Variants in BANK1 observed in about 807,000 individuals in gnomAD.
BANK1 encodes the protein B cell scaffold protein with ankyrin repeats 1.
In BANK1, 95 loss-of-function variants were observed where a neutral mutation model predicts 94.5. That is an observed-to-expected ratio of 1.00 (90% CI 0.85 to 1.19). The LOEUF (loss-of-function observed/expected upper bound fraction) is 1.19, where lower values mean the gene tolerates loss of function less well. Among genes scored for constraint, BANK1 ranks in the 50% most tolerant of loss-of-function variants. The pLI, the probability that BANK1 is intolerant of heterozygous loss-of-function variation, is 0.00. For missense variants in BANK1, 987 were observed against 932.2 expected, an observed-to-expected ratio of 1.06 and a Z score of -0.77; for synonymous variants, 334 against 308.4, an observed-to-expected ratio of 1.08 and a Z score of -0.87.
At chr4:101,839,960 T>A (rs1187236435) in intron 2 of BANK1, among the ~76,000 whole-genome samples, 1,089 of 62,346 alleles carry the variant, frequency 0.017, 42 homozygotes, top group African/African-American at 0.08. Context: ...TTTTTTTTTT[T>A]TTTTTTTTTT....
chr4:101,944,039 T>TGA (rs796144955), intron 7 of BANK1, among the ~76,000 whole-genome samples: 163 of 126,776 alleles, frequency 1.3e-3, no homozygotes, highest in African/African-American at 2.9e-3. Context: ...TGTGTGTGTG[T>TGA]GAGAGAGAGA....
At chr4:101,903,980 A>T (rs1722363621) in intron 6 of BANK1, among the ~76,000 whole-genome samples, 1 of 152,230 alleles carries the variant, frequency 6.6e-6, no homozygotes, top group African/African-American at 2.4e-5. Flanking sequence ...CATATAGTGA[A>T]TAATGTAACA....
chr4:101,958,048 G>A (rs984803283), intron 7 of BANK1, among the ~76,000 whole-genome samples: 29 of 130,740 alleles, frequency 2.2e-4, no homozygotes, highest in Non-Finnish European at 3.8e-4. Context: ...GGGCTTCACC[G>A]TGTTAGCCAG....
intron 4 of BANK1, among the ~76,000 whole-genome samples, chr4:101,864,132 G>A (rs532854252): frequency 1.9e-4 from 29 of 152,078 alleles, no homozygotes; most frequent in Non-Finnish European, 3.1e-4. Context: ...ATAAACCACT[G>A]TTTACCAACT....
At chr4:102,012,102 A>G (rs1046950784) in intron 7 of BANK1, among the ~76,000 whole-genome samples, 2 of 152,190 alleles carry the variant, frequency 1.3e-5, no homozygotes, top group Non-Finnish European at 2.9e-5. Context: ...GCATTCTTAC[A>G]AGTTAAATTT....
intron 7 of BANK1, among the ~76,000 whole-genome samples, chr4:102,010,141 T>C (rs1241841817): frequency 2.0e-5 from 3 of 151,628 alleles, no homozygotes; most frequent in African/African-American, 4.8e-5. Flanking sequence ...GGCGGGCGCC[T>C]GTAGTCCCAG....
Position 101,986,893 on chromosome 4 carries a change from G to A in BANK1, c.1207-34621G>A, listed in dbSNP as rs1217142415. ...TGTGTATGTGTGTGTGTGTGTGTGTGTGTGTGTATATATATATATATATAT... is the reference window on the plus strand; with the variant it reads ...TGTGTATGTGTGTGTGTGTGTGTGTATGTGTGTATATATATATATATATAT... On this transcript the variant is annotated intron_variant, in intron 7 of 16. Transcript: ENST00000322953. Among the ~76,000 whole-genome samples, 555 of 90,756 alleles carry A rather than the reference G, an allele frequency of 6.1e-3. 17 individuals are homozygous for A. The highest frequency in any genetic ancestry group is 0.035 in the East Asian group (115 of 3,262). 59.5% of individuals were successfully genotyped at this position (90,756 alleles called of 152,430 possible).
chr4:102,012,375 G>T (rs1426567537), intron 7 of BANK1, among the ~76,000 whole-genome samples: 7 of 111,158 alleles, frequency 6.3e-5, no homozygotes, highest in Non-Finnish European at 9.1e-5. Context: ...GGTCTTTTAT[G>T]TTGTAAACAC....
intron 7 of BANK1, among the ~76,000 whole-genome samples, chr4:102,013,327 C>G (rs146449426): frequency 6.6e-6 from 1 of 152,108 alleles, no homozygotes; most frequent in Admixed American, 6.6e-5. Flanking sequence ...TGAGTCAGCA[C>G]TGGTCCTCTC....
At chr4:101,830,250 T>G (rs1013265158) in intron 2 of BANK1, 44 bp downstream of exon 2, 12 of 1,426,800 alleles carry the variant, frequency 8.4e-6, no homozygotes, top group Non-Finnish European at 9.2e-6. Flanking sequence ...ATTTGTTTTT[T>G]TTTTTTTGTA....
chr4:101,840,425 A>T (rs939630623), intron 2 of BANK1, among the ~76,000 whole-genome samples: 2 of 152,210 alleles, frequency 1.3e-5, no homozygotes, highest in African/African-American at 4.8e-5. Flanking sequence ...ACTGGCCATA[A>T]ACAAAATCTC....
chr4:101,811,673 A>G (rs1725734945), intron 1 of BANK1, among the ~76,000 whole-genome samples: 1 of 152,130 alleles, frequency 6.6e-6, no homozygotes, highest in Non-Finnish European at 1.5e-5. Flanking sequence ...GCCATTTGTC[A>G]AACAGGGACA....
rs201056526 is a variant in BANK1, at chr4:102,025,263, G to C, written c.1348G>C (p.Ala450Pro). 3.0e-4 allele frequency: 479 copies of C among 1,614,022 alleles called. No individual in the cohort carries two copies. The highest frequency in any genetic ancestry group is 1.9e-4 in the Non-Finnish European group (224 of 1,180,024). The change falls in exon 9 of 17, where the codon GCT becomes CCT. Residue 450 changes from alanine (A) to proline (P), a missense_variant. Ala to Pro is a conservative substitution (Grantham distance 27). Transcript: ENST00000322953. ...RKTYGQSADG[A>P]EANEMEGEGK... ...GACATACGGGCAGAGTGCAGATGGA[G>C]CTGAGGCAAATGAAATGGAAGGGGA...
At chr4:101,833,584 C>T (rs762977761) in intron 2 of BANK1, among the ~76,000 whole-genome samples, 9 of 152,174 alleles carry the variant, frequency 5.9e-5, no homozygotes, top group Non-Finnish European at 1.2e-4. Flanking sequence ...GTAAGTTTGC[C>T]GGCTCTTTTT....
chr4:101,834,963 C>T (rs535184734), intron 2 of BANK1, among the ~76,000 whole-genome samples: 1 of 152,086 alleles, frequency 6.6e-6, no homozygotes, highest in South Asian at 2.1e-4. Flanking sequence ...ATATTTTCTC[C>T]TAGTATTTTA....
chr4:101,800,132 TGGGTGGG>T (rs763123979), intron 1 of BANK1, among the ~76,000 whole-genome samples: 1 of 53,446 alleles, frequency 1.9e-5, no homozygotes, highest in Non-Finnish European at 3.5e-5. Context: ...GGTTTGTTGT[TGGGTGGG>T]GGGAGGGGGG....
chr4:101,799,650 G>A (rs1329628067), intron 1 of BANK1, among the ~76,000 whole-genome samples: 5 of 152,098 alleles, frequency 3.3e-5, no homozygotes, highest in Admixed American at 6.5e-5. Context: ...CAAGGTGGGC[G>A]GATCACGAGG....
intron 2 of BANK1, among the ~76,000 whole-genome samples, chr4:101,847,364 CTT>C (rs1206347792): frequency 2.6e-5 from 4 of 151,764 alleles, no homozygotes; most frequent in Non-Finnish European, 5.9e-5. Context: ...TATTTTGTCT[CTT>C]TTTAGTTTTT....
intron 1 of BANK1, among the ~76,000 whole-genome samples, chr4:101,809,772 A>G (rs1193617676): frequency 6.6e-6 from 1 of 152,220 alleles, no homozygotes; most frequent in South Asian, 2.1e-4. Flanking sequence ...TATACTGCAC[A>G]TATATCCATT....
Sources: allele counts gnomAD v4.1 joint callset (sites outside exome capture counted in the v4.1 genomes callset), GRCh38; gene constraint gnomAD v4.1.1; transcripts MANE v1.5; gene names NCBI Gene and HGNC (gene_info 2026-07-23, HGNC 2026-07-21).